Variants in CDYL2 observed in about 807,000 individuals in gnomAD.
CDYL2 encodes the protein chromodomain Y-like protein 2.
CDYL2 carries 23 observed loss-of-function variants against 49.4 expected under a neutral mutation model. That is an observed-to-expected ratio of 0.47 (90% CI 0.34 to 0.66). The LOEUF (loss-of-function observed/expected upper bound fraction) is 0.66, where lower values mean the gene tolerates loss of function less well. Among genes scored for constraint, CDYL2 ranks in the 30% least tolerant of loss-of-function variants. The pLI, the probability that CDYL2 is intolerant of heterozygous loss-of-function variation, is 0.01. For missense variants in CDYL2, 678 were observed against 656.4 expected, an observed-to-expected ratio of 1.03 and a Z score of -0.36; for synonymous variants, 360 against 268.8, an observed-to-expected ratio of 1.34 and a Z score of -3.32.
intron 3 of CDYL2, among the ~76,000 whole-genome samples, chr16:80,628,831 G>T (rs939085212): frequency 5.9e-5 from 9 of 152,164 alleles, no homozygotes; most frequent in Non-Finnish European, 1.2e-4. Flanking sequence ...GAAGTTTACA[G>T]TCTAATGGAG....
At chr16:80,798,560 C>G (rs1907833878) in intron 1 of CDYL2, among the ~76,000 whole-genome samples, 1 of 152,134 alleles carries the variant, frequency 6.6e-6, no homozygotes, top group African/African-American at 2.4e-5. Context: ...CTTTAGCTTA[C>G]TTTATTGTAA....
At chr16:80,721,197 T>C (rs1904986999) in intron 1 of CDYL2, among the ~76,000 whole-genome samples, 1 of 149,776 alleles carries the variant, frequency 6.7e-6, no homozygotes, top group Admixed American at 6.7e-5. Flanking sequence ...CTAATCACTG[T>C]CATGTGCTAG....
intron 1 of CDYL2, among the ~76,000 whole-genome samples, chr16:80,783,900 A>C (rs762997739): frequency 1.3e-5 from 2 of 152,250 alleles, no homozygotes; most frequent in Non-Finnish European, 2.9e-5. Flanking sequence ...GGGGCTGGGA[A>C]AACAGCAAGT....
At chr16:80,711,030 C>A (rs1485693931) in intron 1 of CDYL2, among the ~76,000 whole-genome samples, 1 of 152,316 alleles carries the variant, frequency 6.6e-6, no homozygotes, top group Middle Eastern at 3.4e-3. Flanking sequence ...CTGCTGCTTG[C>A]TGTAAATATG....
chr16:80,765,451 T>C (rs921097957), intron 1 of CDYL2, among the ~76,000 whole-genome samples: 10 of 151,162 alleles, frequency 6.6e-5, no homozygotes, highest in African/African-American at 2.2e-4. Flanking sequence ...CATACAAATA[T>C]ATAAGAAAAG....
chr16:80,631,009 A>G (rs919987133), intron 3 of CDYL2, among the ~76,000 whole-genome samples: 1 of 152,162 alleles, frequency 6.6e-6, no homozygotes, highest in African/African-American at 2.4e-5. Context: ...TATGAAAAAG[A>G]GAATACAGGA....
chr16:80,637,004 G>A (rs1355894667), intron 2 of CDYL2, among the ~76,000 whole-genome samples: 3 of 152,134 alleles, frequency 2.0e-5, no homozygotes, highest in African/African-American at 4.8e-5. Flanking sequence ...GTTGAACAAT[G>A]AGAACACATG....
chr16:80,729,799 A>G (rs1367612100), intron 1 of CDYL2, among the ~76,000 whole-genome samples: 1 of 152,094 alleles, frequency 6.6e-6, no homozygotes, highest in Non-Finnish European at 1.5e-5. Flanking sequence ...TAAGAAACTC[A>G]CTCAAAACCA....
Position 80,612,857 on chromosome 16 carries a change from T to A in CDYL2, c.1008-21A>T, listed in dbSNP as rs1331683484. ...AGTCCCTGGGAGAGAAAGAAGATCC[T>A]CTTGAACAGGTGACTATAGCATGCT... On this transcript the variant is annotated intron_variant, in intron 4 of 6. Transcript: ENST00000570137. This position sits in a 1 kb window ranked among gnomAD's most constrained non-coding sequence, Gnocchi z 5.0. 1 of 1,586,500 alleles carries A rather than the reference T, an allele frequency of 6.3e-7. No homozygotes were observed. Among genetic ancestry groups the A allele is most frequent in the Non-Finnish European group, 8.6e-7 (1 of 1,164,352 alleles).
chr16:80,693,321 C>A (rs1487613978), intron 1 of CDYL2, among the ~76,000 whole-genome samples: 3 of 151,832 alleles, frequency 2.0e-5, no homozygotes, highest in Non-Finnish European at 4.4e-5. Flanking sequence ...ACACAAAACA[C>A]ATAGAAATAA....
intron 1 of CDYL2, among the ~76,000 whole-genome samples, chr16:80,802,732 G>C (rs935124926): frequency 1.3e-5 from 2 of 152,160 alleles, no homozygotes; most frequent in African/African-American, 4.8e-5. Flanking sequence ...TCACACAGGA[G>C]ACCTGTGCTC....
chr16:80,725,821 G>A (rs142073555), intron 1 of CDYL2, among the ~76,000 whole-genome samples: 12 of 152,208 alleles, frequency 7.9e-5, no homozygotes, highest in African/African-American at 1.2e-4. Context: ...TGAATTCTAC[G>A]ACCCGGATGA....
intron 1 of CDYL2, among the ~76,000 whole-genome samples, chr16:80,687,859 C>A (rs1415322361): frequency 6.6e-6 from 1 of 152,166 alleles, no homozygotes; most frequent in Non-Finnish European, 1.5e-5. Flanking sequence ...CAACTATGTA[C>A]GTTTGCATTC....
chr16:80,704,059 C>T (rs182236573), intron 1 of CDYL2, among the ~76,000 whole-genome samples: 1 of 152,208 alleles, frequency 6.6e-6, no homozygotes, highest in East Asian at 1.9e-4. Context: ...AAAAACTCCA[C>T]TACCTGAGTA....
chr16:80,708,640 G>A (rs1027615690), intron 1 of CDYL2, among the ~76,000 whole-genome samples: 2 of 152,094 alleles, frequency 1.3e-5, no homozygotes, highest in African/African-American at 4.8e-5. Flanking sequence ...AACTCAACCT[G>A]TCCCACCTGG....
At chr16:80,768,563 C>G (rs1315014470) in intron 1 of CDYL2, among the ~76,000 whole-genome samples, 1 of 152,194 alleles carries the variant, frequency 6.6e-6, no homozygotes, top group Non-Finnish European at 1.5e-5. Context: ...TTGCATGGCA[C>G]AAGGCACGAT....
intron 6 of CDYL2, among the ~76,000 whole-genome samples, chr16:80,606,477 CAT>C (rs1028269174): frequency 1.3e-4 from 20 of 152,256 alleles, no homozygotes; most frequent in African/African-American, 3.9e-4. Context: ...TTTTCAGTCA[CAT>C]GTTTCCTAGC....
rs145336429 is a variant in CDYL2, at chr16:80,726,174, G to A, written c.25-41045C>T. On this transcript the variant is annotated intron_variant, in intron 1 of 6. Coordinates refer to ENST00000570137, the MANE Select transcript of CDYL2 (RefSeq NM_152342.4). ...ATGGGTTCATAGGAGTTCCGTATAAGATTCTATTTTTGCGTACATTTAAAA... is the reference window on the plus strand; with the variant it reads ...ATGGGTTCATAGGAGTTCCGTATAAAATTCTATTTTTGCGTACATTTAAAA... Among the ~76,000 whole-genome samples the A allele has an allele frequency of 1.3e-3, 198 of 152,312 alleles. 1 individual carries two copies. The highest frequency in any genetic ancestry group is 4.6e-3 in the African/African-American group (190 of 41,578).
At chr16:80,617,187 C>T (rs547609689) in intron 4 of CDYL2, among the ~76,000 whole-genome samples, 1 of 152,326 alleles carries the variant, frequency 6.6e-6, no homozygotes, top group South Asian at 2.1e-4. Flanking sequence ...TGATGCGTCC[C>T]AGTCACCAGT....
Sources: gnomAD v4.1 joint callset for allele counts (sites outside exome capture counted in the v4.1 genomes callset) on GRCh38, gnomAD v4.1.1 for gene constraint, Gnocchi (gnomAD v3.1) non-coding constraint, MANE v1.5 for transcripts, NCBI Gene and HGNC (gene_info 2026-07-23, HGNC 2026-07-21) for gene names.